The following ATP2B2 variants were observed in gnomAD, a reference collection of about 807,000 sequenced individuals.
ATP2B2 encodes the protein ATPase plasma membrane Ca2+ transporting 2, also known as plasma membrane calcium-transporting ATPase 2.
In ATP2B2, 15 loss-of-function variants were observed where a neutral mutation model predicts 120.0. The ratio of observed to expected loss-of-function variants is 0.12; its 90% CI spans 0.08 to 0.19. The LOEUF is 0.19. ATP2B2 is among the 10% of genes least tolerant of loss of function. The pLI is 1.00. For synonymous variants in ATP2B2, 694 were observed against 700.3 expected (o/e 0.99, Z 0.14); for missense variants, 1,045 against 1,719.8 (o/e 0.61, Z 6.94).
intron 2 of ATP2B2, among the ~76,000 whole-genome samples, chr3:10,437,831 T>C (rs1373525844): frequency 1.3e-5 from 2 of 152,168 alleles, no homozygotes; most frequent in Non-Finnish European, 2.9e-5. Context: ...GCCATTAGGG[T>C]GGGCCTAATC....
At chr3:10,607,685 G>A (rs2069123857) in intron 2 of ATP2B2, among the ~76,000 whole-genome samples, 1 of 152,224 alleles carries the variant, frequency 6.6e-6, no homozygotes, top group African/African-American at 2.4e-5. Flanking sequence ...GATGGAAAGG[G>A]GGTGCAACCC....
chr3:10,503,382 G>A (rs2066471907), intron 1 of ATP2B2, among the ~76,000 whole-genome samples: 1 of 152,222 alleles, frequency 6.6e-6, no homozygotes, highest in African/African-American at 2.4e-5. Context: ...ACTTTGGGCA[G>A]CCTTCTCTGA....
intron 1 of ATP2B2, among the ~76,000 whole-genome samples, chr3:10,488,463 A>ATTCATTCATTCCTTCC (rs1398194870): frequency 2.1e-5 from 2 of 95,746 alleles, no homozygotes; most frequent in African/African-American, 7.2e-5. Flanking sequence ...CACCCTACAA[A>ATTCATTCATTCCTTCC]TTCCTTCCTT....
chr3:10,471,390 G>T (rs200236678), intron 1 of ATP2B2, among the ~76,000 whole-genome samples: 4 of 136,266 alleles, frequency 2.9e-5, no homozygotes, highest in Non-Finnish European at 4.9e-5. Context: ...GTGTGTGTGT[G>T]TGTGTGTGTT....
chr3:10,554,547 A>G (rs1174767173), intron 2 of ATP2B2, among the ~76,000 whole-genome samples: 2 of 152,190 alleles, frequency 1.3e-5, no homozygotes, highest in Non-Finnish European at 2.9e-5. Flanking sequence ...TAGAAGATGG[A>G]AAAGGCCCAG....
intron 1 of ATP2B2, among the ~76,000 whole-genome samples, chr3:10,694,208 T>C (rs76758458): frequency 6.6e-6 from 1 of 152,244 alleles, no homozygotes; most frequent in Non-Finnish European, 1.5e-5. Context: ...AGTGCATATG[T>C]AGCTCCATGC....
At chr3:10,357,839 C>G (rs17032736) in intron 14 of ATP2B2, among the ~76,000 whole-genome samples, 4,481 of 152,284 alleles carry the variant, frequency 0.029, 102 homozygotes, top group South Asian at 0.089. Context: ...TTTGGAGATT[C>G]AGGACAGCTT....
At chr3:10,644,709 G>C (rs991424173) in intron 1 of ATP2B2, among the ~76,000 whole-genome samples, 1 of 152,228 alleles carries the variant, frequency 6.6e-6, no homozygotes, top group African/African-American at 2.4e-5. Flanking sequence ...CGCAGAGACA[G>C]AATGAGGATT....
At chr3:10,502,120 GGCA>G (rs1025005346) in intron 1 of ATP2B2, among the ~76,000 whole-genome samples, 5 of 152,218 alleles carry the variant, frequency 3.3e-5, no homozygotes, top group African/African-American at 9.6e-5. Flanking sequence ...ATAAGCCACA[GGCA>G]GCTTTTCTGA....
chr3:10,345,185 T>A (rs2125391063), intron 18 of ATP2B2, among the ~76,000 whole-genome samples, 199 bp downstream of exon 18: 1 of 152,314 alleles, frequency 6.6e-6, no homozygotes, highest in African/African-American at 2.4e-5. Flanking sequence ...CTGAGCCTCA[T>A]GTCCTCGACT....
chr3:10,416,294 C>T (rs1203105546), intron 2 of ATP2B2, among the ~76,000 whole-genome samples: 2 of 152,152 alleles, frequency 1.3e-5, no homozygotes, highest in Non-Finnish European at 2.9e-5. Context: ...CATCTGTATC[C>T]AGCTGTCCTG....
Position 10,362,115 on chromosome 3 carries a change from T to G in ATP2B2, c.1660-1992A>C, listed in dbSNP as rs149279846. 3.4e-3 allele frequency among the ~76,000 whole-genome samples: 524 copies of G among 152,282 alleles called. 2 individuals carry two copies. The highest frequency in any genetic ancestry group is 5.9e-3 in the Non-Finnish European group (403 of 68,016). ...AAAGACAACAGAGATAAACCCAAAC[T>G]CTAGAGAGATTCTGAAGACGAAATA... On this transcript the variant is annotated intron_variant, in intron 12 of 22. Coordinates refer to ENST00000360273, the MANE Select transcript of ATP2B2 (RefSeq NM_001001331.4).
intron 1 of ATP2B2, among the ~76,000 whole-genome samples, chr3:10,503,431 T>G (rs892956878): frequency 1.3e-5 from 2 of 152,248 alleles, no homozygotes; most frequent in African/African-American, 2.4e-5. Context: ...CTGAGTCTAA[T>G]CACAGCTCCC....
intron 2 of ATP2B2, among the ~76,000 whole-genome samples, chr3:10,571,855 T>C (rs2068135985): frequency 6.6e-6 from 1 of 152,228 alleles, no homozygotes; most frequent in South Asian, 2.1e-4. Context: ...AGCAATTCCT[T>C]ATCTCTAAAA....
chr3:10,614,640 T>A (rs1048685416), intron 2 of ATP2B2, among the ~76,000 whole-genome samples: 3 of 152,204 alleles, frequency 2.0e-5, no homozygotes. Context: ...CCCCTCCCTG[T>A]GCCTCAGTTT....
chr3:10,413,378 G>A (rs1370299637), intron 2 of ATP2B2, among the ~76,000 whole-genome samples: 1 of 152,232 alleles, frequency 6.6e-6, no homozygotes, highest in Non-Finnish European at 1.5e-5. Flanking sequence ...CTCCCTAGGA[G>A]ACCTCACGCC....
At chr3:10,387,335 A>G (rs2061709492) in intron 6 of ATP2B2, among the ~76,000 whole-genome samples, 1 of 152,170 alleles carries the variant, frequency 6.6e-6, no homozygotes, top group Admixed American at 6.5e-5. Flanking sequence ...TTCAGTCTCG[A>G]CCTAAGCTCT....
intron 1 of ATP2B2, among the ~76,000 whole-genome samples, chr3:10,490,687 C>T (rs1333252283): frequency 6.6e-6 from 1 of 152,140 alleles, no homozygotes; most frequent in South Asian, 2.1e-4. Context: ...GTGTGAGCCA[C>T]CGCGCCCAGC....
chr3:10,580,982 G>A (rs188327529), intron 2 of ATP2B2, among the ~76,000 whole-genome samples: 46 of 152,222 alleles, frequency 3.0e-4, no homozygotes, highest in African/African-American at 9.9e-4. Flanking sequence ...GCTGACCCCC[G>A]TCATAGATTA....
Sources: gnomAD v4.1 joint callset for allele counts (sites outside exome capture counted in the v4.1 genomes callset) on GRCh38, gnomAD v4.1.1 for gene constraint, MANE v1.5 for transcripts, NCBI Gene and HGNC (gene_info 2026-07-23, HGNC 2026-07-21) for gene names.